PEBP4: variants seen among roughly 807,000 people sequenced by gnomAD.
The protein encoded by PEBP4 is phosphatidylethanolamine binding protein 4, also known as phosphatidylethanolamine-binding protein 4.
In PEBP4, 22 loss-of-function variants were observed where a neutral mutation model predicts 23.9. The observed-to-expected ratio is 0.92, with a 90% CI of 0.66 to 1.31. The LOEUF (loss-of-function observed/expected upper bound fraction) is 1.31, where lower values mean the gene tolerates loss of function less well. PEBP4 is among the 40% of genes most tolerant of loss of function. The pLI, the probability that PEBP4 is intolerant of heterozygous loss-of-function variation, is 0.00. For missense variants in PEBP4, 324 were observed against 281.7 expected (o/e 1.15, Z -1.07); for synonymous variants, 112 against 99.3 (o/e 1.13, Z -0.76).
At chr8:22,933,532 G>GA (rs1271139835) in intron 1 of PEBP4, among the ~76,000 whole-genome samples, 1 of 152,166 alleles carries the variant, frequency 6.6e-6, no homozygotes, top group African/African-American at 2.4e-5. Context: ...ACTGAAAGAA[G>GA]AAAAGTTGTC....
chr8:22,821,854 G>A (rs1372980114), intron 3 of PEBP4, among the ~76,000 whole-genome samples: 14 of 152,010 alleles, frequency 9.2e-5, no homozygotes, highest in African/African-American at 2.9e-4. Flanking sequence ...GCGTGGTGGC[G>A]GGTGCCTGTA....
At chr8:22,745,701 G>A (rs1020399211) in intron 4 of PEBP4, 1 of 152,234 alleles carries the variant, frequency 6.6e-6, no homozygotes, top group African/African-American at 2.4e-5. Context: ...CTGAGAGCAA[G>A]GTGAGAGGAT....
chr8:22,723,887 C>T (rs1804569221), intron 6 of PEBP4, among the ~76,000 whole-genome samples: 1 of 152,166 alleles, frequency 6.6e-6, no homozygotes, highest in Non-Finnish European at 1.5e-5. Flanking sequence ...TCCTGTGGGG[C>T]CTCCGGCATC....
In PEBP4 at chr8:22,795,420, C is replaced by T. The variant is rs1439211524; in HGVS notation, c.357+22217G>A. ...TCGATCTCCTGACCTTGTGATCCGC[C>T]TGCCTTGGCCTCCCAAAGTGCTGGG... On this transcript the variant is annotated intron_variant, in intron 4 of 6. Coordinates refer to ENST00000256404, the MANE Select transcript of PEBP4 (RefSeq NM_144962.3). Among the ~76,000 whole-genome samples, 3 of 152,106 alleles carry T rather than the reference C, an allele frequency of 2.0e-5. No individual in the cohort carries two copies. In the East Asian group the frequency reaches 5.8e-4, roughly 29 times the overall value.
intron 3 of PEBP4, among the ~76,000 whole-genome samples, chr8:22,874,737 A>G (rs572607218): frequency 2.6e-5 from 4 of 152,206 alleles, no homozygotes; most frequent in African/African-American, 7.2e-5. Context: ...CTCCACTCCT[A>G]TGGCAGCCTC....
At chr8:22,714,494 G>A (rs757170853) in intron 6 of PEBP4, among the ~76,000 whole-genome samples, 1 of 151,378 alleles carries the variant, frequency 6.6e-6, no homozygotes. Context: ...TTTTTTTTCC[G>A]TTGTTTATCT....
intron 2 of PEBP4, among the ~76,000 whole-genome samples, chr8:22,923,198 C>T (rs1477991765): frequency 6.6e-6 from 1 of 152,156 alleles, no homozygotes; most frequent in Non-Finnish European, 1.5e-5. Flanking sequence ...CACACGTTTT[C>T]CCTAGTGAGC....
intron 4 of PEBP4, among the ~76,000 whole-genome samples, chr8:22,816,406 C>A (rs890184519): frequency 6.6e-6 from 1 of 152,214 alleles, no homozygotes. Flanking sequence ...ACCCTCTCAC[C>A]CCCCTACTCC....
At chr8:22,925,197 T>C (rs1809299322) in intron 2 of PEBP4, 13 of 985,474 alleles carry the variant, frequency 1.3e-5, no homozygotes, top group South Asian at 4.7e-5. Flanking sequence ...TCTTTTGCGA[T>C]GATGGCTTGA....
At chr8:22,891,066 G>A (rs937813712) in intron 3 of PEBP4, among the ~76,000 whole-genome samples, 3 of 152,200 alleles carry the variant, frequency 2.0e-5, no homozygotes, top group Non-Finnish European at 4.4e-5. Context: ...CTGACCTCAT[G>A]ATCTGCCCAC....
chr8:22,905,367 T>A lies in PEBP4; in HGVS notation c.258+14817A>T, dbSNP rs182710951. On this transcript the variant is annotated intron_variant, in intron 3 of 6. Coordinates refer to ENST00000256404, the MANE Select transcript of PEBP4 (RefSeq NM_144962.3). Reference sequence around the variant, plus strand: ...ATAAAGATAATAATGCTTTGCATATTTGTGGCACATATGTTCTCTCGGTTT... The same window carrying A: ...ATAAAGATAATAATGCTTTGCATATATGTGGCACATATGTTCTCTCGGTTT... 2.6e-5 allele frequency among the ~76,000 whole-genome samples: 4 copies of A among 152,356 alleles called. No homozygotes were observed. The East Asian group carries it at 5.8e-4, about 22-fold the overall frequency.
chr8:22,720,395 A>G (rs1261040114), intron 6 of PEBP4, among the ~76,000 whole-genome samples: 1 of 152,156 alleles, frequency 6.6e-6, no homozygotes, highest in Non-Finnish European at 1.5e-5. Flanking sequence ...GGGTCTGGGA[A>G]GGGGAGAATG....
At chr8:22,847,032 C>A (rs1196462433) in intron 3 of PEBP4, among the ~76,000 whole-genome samples, 2 of 152,122 alleles carry the variant, frequency 1.3e-5, no homozygotes, top group African/African-American at 2.4e-5. Flanking sequence ...AAAAGGGGAT[C>A]CTGGTAAATT....
rs542849768 is a variant in PEBP4, at chr8:22,800,312, G to A, written c.357+17325C>T. On this transcript the variant is annotated intron_variant, in intron 4 of 6. Transcript: ENST00000256404. The stretch of plus-strand genomic sequence containing the variant: ...GAAAGAGAAATAGTATTAAGAGTTG[G>A]GACACCTTGATTCCGGTCCACACTC... Among the ~76,000 whole-genome samples the A allele has an allele frequency of 1.1e-4, 16 of 151,990 alleles. No homozygotes were observed. The East Asian group carries it at 1.7e-3, about 17-fold the overall frequency.
chr8:22,933,068 G>T (rs973960585), intron 1 of PEBP4, among the ~76,000 whole-genome samples: 1 of 151,396 alleles, frequency 6.6e-6, no homozygotes, highest in African/African-American at 2.4e-5. Context: ...TCCACTGCCA[G>T]CAGTATTGGT....
At chr8:22,818,986 G>A (rs933087599) in intron 3 of PEBP4, among the ~76,000 whole-genome samples, 3 of 152,294 alleles carry the variant, frequency 2.0e-5, no homozygotes, top group Admixed American at 2.0e-4. Flanking sequence ...TTTGAAGGTG[G>A]ACATTCAGAG....
At chr8:22,798,666 G>A (rs1426735023) in intron 4 of PEBP4, 1 of 149,882 alleles carries the variant, frequency 6.7e-6, no homozygotes, top group East Asian at 2.0e-4. Flanking sequence ...TTCTTCAATG[G>A]CATTGATCTC....
At chr8:22,873,368 C>G (rs1808050048) in intron 3 of PEBP4, among the ~76,000 whole-genome samples, 1 of 152,108 alleles carries the variant, frequency 6.6e-6, no homozygotes, top group South Asian at 2.1e-4. Flanking sequence ...GTGGCTCATG[C>G]CTATAACCCC....
At chr8:22,717,232 C>G (rs1270490351) in intron 6 of PEBP4, among the ~76,000 whole-genome samples, 6 of 152,194 alleles carry the variant, frequency 3.9e-5, no homozygotes, top group Non-Finnish European at 8.8e-5. Context: ...GAGACAGGGT[C>G]TCCCTATGTT....
Sources: gnomAD v4.1 joint callset for allele counts (sites outside exome capture counted in the v4.1 genomes callset) on GRCh38, gnomAD v4.1.1 for gene constraint, MANE v1.5 for transcripts, NCBI Gene and HGNC (gene_info 2026-07-23, HGNC 2026-07-21) for gene names.